Variants in PCNX2 observed in about 807,000 individuals in gnomAD.
PCNX2 encodes pecanex-like protein 2.
Under a neutral mutation model 223.8 loss-of-function variants are expected in PCNX2, and 168 were observed. The ratio of observed to expected loss-of-function variants is 0.75; its 90% CI spans 0.66 to 0.85. The LOEUF is 0.85. Ranked by LOEUF, PCNX2 falls within the 40% of genes least tolerant of loss-of-function variation. The pLI is 0.00. For missense variants in PCNX2, 2,507 were observed against 2,675.5 expected (o/e 0.94, Z 1.39); for synonymous variants, 1,006 against 1,052.6 (o/e 0.96, Z 0.86).
chr1:233,234,614 T>C (rs910144766), intron 9 of PCNX2, among the ~76,000 whole-genome samples: 3 of 152,216 alleles, frequency 2.0e-5, no homozygotes, highest in African/African-American at 7.2e-5. Context: ...AACGGGGATA[T>C]TTTTGAGATA....
Position 233,000,426 on chromosome 1 carries a change from C to T in PCNX2, c.5207G>A (p.Arg1736Gln), listed in dbSNP as rs1162042104. The change falls in exon 30 of 34, where the codon CGG becomes CAG. Residue 1736 changes from arginine (R) to glutamine (Q), a missense_variant. Physicochemically the swap from Arg to Gln is conservative, Grantham distance 43 (BLOSUM62 1). Coordinates refer to ENST00000258229, the MANE Select transcript of PCNX2 (RefSeq NM_014801.4). This position sits in a 1 kb window ranked among gnomAD's most constrained non-coding sequence, Gnocchi z 4.6. ...VICHEGDPAW[R>Q]GAVLSNKEEL... ...TTCCTTGTTGGACAGCACTGCGCCC[C>T]GCCAGGCCGGGTCGCCCTCGTGGCA... The T allele has an allele frequency of 1.2e-5, 20 of 1,603,198 alleles. No homozygotes were observed. The highest frequency in any genetic ancestry group is 2.2e-5 in the East Asian group (1 of 44,708).
intron 25 of PCNX2, among the ~76,000 whole-genome samples, chr1:233,025,951 T>C (rs1671065811): frequency 6.6e-6 from 1 of 152,152 alleles, no homozygotes; most frequent in Admixed American, 6.5e-5. Flanking sequence ...AACAAATAAA[T>C]AAACAAACTG....
Position 233,017,020 on chromosome 1 carries a change from A to G in PCNX2, c.4740T>C (p.Ile1580=). The part of the protein sequence containing the change: ...ERDLAMFNIN[I]DDDYVPCLQG... ...GGAGACACGGGACGTAGTCATCATC[A>G]ATGTTAATGTTGAACATTGCAAGGT... is the stretch of plus-strand genomic sequence containing the variant. Residue 1580 remains isoleucine, a synonymous_variant, in exon 27 of 34, where the codon ATT becomes ATC. Transcript: ENST00000258229. 1 of 1,614,004 alleles carries G rather than the reference A, an allele frequency of 6.2e-7. No homozygotes were observed. The highest frequency in any genetic ancestry group is 1.6e-4 in the Middle Eastern group (1 of 6,062).
rs777109055 is a variant in PCNX2 at position 232,986,303 on chromosome 1, C to T, written c.6029G>A (p.Arg2010His). Reference sequence around the variant, plus strand: ...CCTGATGAGCGCCTCGGCCCGCTCACGGACACTCAGGTGGCCGGTGGTGGT... The same window carrying T: ...CCTGATGAGCGCCTCGGCCCGCTCATGGACACTCAGGTGGCCGGTGGTGGT... ...PVTTTGHLSV[R>H]ERAEALIRSS... Residue 2010 changes from arginine to histidine, a missense_variant, in exon 33 of 34, where the codon CGT (arginine) becomes CAT (histidine). Arg to His is a conservative substitution (Grantham distance 29). Coordinates refer to ENST00000258229, the MANE Select transcript of PCNX2 (RefSeq NM_014801.4). 62 of 1,576,670 alleles carry T rather than the reference C, an allele frequency of 3.9e-5. No individual in the cohort carries two copies. Among genetic ancestry groups the T allele is most frequent in the African/African-American group, 2.2e-4 (16 of 74,180 alleles).
chr1:233,283,952 C>G (rs1416943104), intron 1 of PCNX2, among the ~76,000 whole-genome samples: 1 of 152,106 alleles, frequency 6.6e-6, no homozygotes, highest in Non-Finnish European at 1.5e-5. Flanking sequence ...CTACCTTAAC[C>G]AATGATGCGG....
chr1:233,171,762 C>A (rs1229613371), intron 17 of PCNX2, among the ~76,000 whole-genome samples: 1 of 152,156 alleles, frequency 6.6e-6, no homozygotes, highest in African/African-American at 2.4e-5. Context: ...ATTATCTCAT[C>A]AAATATTGAT....
chr1:233,104,253 C>T (rs1052578213), intron 21 of PCNX2, among the ~76,000 whole-genome samples: 6 of 152,012 alleles, frequency 3.9e-5, no homozygotes, highest in South Asian at 2.1e-4. Context: ...TACAGACTCT[C>T]GGTCTGCCTT....
chr1:233,291,183 G>T, intron 1 of PCNX2: 1 of 780,662 alleles, frequency 1.3e-6, no homozygotes, highest in Non-Finnish European at 1.6e-6. Context: ...ATAGATGACT[G>T]TGGGCAAATA....
intron 8 of PCNX2, among the ~76,000 whole-genome samples, chr1:233,248,797 G>A (rs1236994009): frequency 6.6e-6 from 1 of 152,128 alleles, no homozygotes; most frequent in Non-Finnish European, 1.5e-5. Flanking sequence ...CGCCTCACAA[G>A]AAAGTTCAGC....
intron 21 of PCNX2, among the ~76,000 whole-genome samples, chr1:233,125,310 T>C (rs1189889299): frequency 6.6e-6 from 1 of 152,248 alleles, no homozygotes; most frequent in Non-Finnish European, 1.5e-5. Flanking sequence ...TTTTGTTACA[T>C]CTTCCTTCCT....
chr1:233,248,128 A>C (rs539270538), intron 8 of PCNX2, among the ~76,000 whole-genome samples: 11 of 152,272 alleles, frequency 7.2e-5, no homozygotes, highest in African/African-American at 2.6e-4. Flanking sequence ...TGCTTGCAAA[A>C]AACTTGAACA....
At chr1:233,070,680 A>C (rs976819581) in intron 23 of PCNX2, among the ~76,000 whole-genome samples, 1 of 152,064 alleles carries the variant, frequency 6.6e-6, no homozygotes, top group African/African-American at 2.4e-5. Context: ...GATTTAAAAA[A>C]AAAAACTCTC....
Position 233,258,208 on chromosome 1 carries a change from T to C in PCNX2, c.1654A>G (p.Thr552Ala). Residue 552 changes from threonine to alanine, a missense_variant, in exon 5 of 34, where the codon ACA (threonine) becomes GCA (alanine). Transcript: ENST00000258229. ...TTGGAAGTTGGCATTGTTTTCTCTG[T>C]ATCGTTAACAATTTCTGCAGAACTT... Reference protein sequence around the residue: ...SKSSAEIVNDTEKTMPTSKSD... With the variant: ...SKSSAEIVNDAEKTMPTSKSD... The C allele has an allele frequency of 1.2e-6, 2 of 1,613,968 alleles. No homozygotes were observed. Among genetic ancestry groups the C allele is most frequent in the Non-Finnish European group, 1.7e-6 (2 of 1,179,876 alleles).
chr1:233,277,993 G>C (rs1558419208), intron 1 of PCNX2, among the ~76,000 whole-genome samples: 2 of 152,160 alleles, frequency 1.3e-5, no homozygotes, highest in Admixed American at 6.5e-5. Context: ...ATTCTTTATT[G>C]ATTAATTAGT....
At chr1:233,151,870 C>T (rs1375425996) in intron 19 of PCNX2, among the ~76,000 whole-genome samples, 1 of 152,142 alleles carries the variant, frequency 6.6e-6, no homozygotes, top group African/African-American at 2.4e-5. Context: ...AGATGGGGTA[C>T]AGGCGTGAGC....
At chr1:233,025,469 C>G in intron 25 of PCNX2, 70 bp from the exon 26 acceptor site, 2 of 1,567,864 alleles carry the variant, frequency 1.3e-6, no homozygotes, top group East Asian at 2.3e-5. Flanking sequence ...AACGGATTTC[C>G]CCATGCCTTC....
chr1:233,217,765 TATTTG>T, intron 12 of PCNX2, 129 bp downstream of exon 12: 2 of 869,988 alleles, frequency 2.3e-6, no homozygotes, highest in Non-Finnish European at 3.4e-6. Context: ...TATATATATA[TATTTG>T]ATATTTCTAT....
At chr1:233,142,352 G>C (rs967578537) in intron 19 of PCNX2, among the ~76,000 whole-genome samples, 1 of 152,132 alleles carries the variant, frequency 6.6e-6, no homozygotes, top group Non-Finnish European at 1.5e-5. Context: ...AGAAAATAAA[G>C]TCTATGAGGT....
chr1:233,105,856 G>A (rs937473435), intron 21 of PCNX2, among the ~76,000 whole-genome samples: 1 of 152,130 alleles, frequency 6.6e-6, no homozygotes, highest in Admixed American at 6.5e-5. Context: ...AAATGAAGTC[G>A]ACATTGCACA....
Sources: allele counts gnomAD v4.1 joint callset (sites outside exome capture counted in the v4.1 genomes callset), GRCh38; gene constraint gnomAD v4.1.1; non-coding constraint Gnocchi (gnomAD v3.1); transcripts MANE v1.5; gene names NCBI Gene and HGNC (gene_info 2026-07-23, HGNC 2026-07-21).